The following GRWD1 variants were observed in gnomAD, a reference collection of about 807,000 sequenced individuals.
GRWD1 encodes the protein glutamate-rich WD repeat-containing protein 1.
In GRWD1, 29 loss-of-function variants were observed where a neutral mutation model predicts 45.3. The observed-to-expected ratio is 0.64, with a 90% CI of 0.48 to 0.87. GRWD1 has a LOEUF of 0.87. Among genes scored for constraint, GRWD1 ranks in the 40% least tolerant of loss-of-function variants. The pLI is 0.00. For synonymous variants in GRWD1, 262 were observed against 257.6 expected (o/e 1.02, Z -0.16); for missense variants, 592 against 618.8 (o/e 0.96, Z 0.46).
At chr19:48,447,886 T>C (rs1971429199) in intron 3 of GRWD1, among the ~76,000 whole-genome samples, 1 of 152,200 alleles carries the variant, frequency 6.6e-6, no homozygotes, top group African/African-American at 2.4e-5. Flanking sequence ...GTGCCTAGAA[T>C]AGCACCTGGT....
rs1298044986 is a variant in GRWD1 at position 48,452,630 on chromosome 19, G to A, written c.1024-78G>A. ...GGCTGAACCCTGAGGCTGGAGAAGG[G>A]TTGGGGCTTCTGCCTGGGTCCTCCC... On this transcript the variant is annotated intron_variant, in intron 6 of 6. Coordinates refer to ENST00000253237, the MANE Select transcript of GRWD1 (RefSeq NM_031485.4). The surrounding 1 kb of genome is among the most constrained non-coding windows in gnomAD (Gnocchi z 5.1). The A allele has an allele frequency of 1.1e-5, 14 of 1,259,876 alleles. No individual in the cohort carries two copies. Among genetic ancestry groups the A allele is most frequent in the South Asian group, 2.8e-5 (2 of 70,320 alleles). 78.0% of individuals were successfully genotyped at this position (1,259,876 alleles called of 1,614,324 possible).
rs1971411559 is a variant in GRWD1 at position 48,446,857 on chromosome 19, C to T, written c.468+14C>T. 21 of 1,609,756 alleles carry T rather than the reference C, an allele frequency of 1.3e-5. No homozygotes were observed. Among genetic ancestry groups the T allele is most frequent in the Non-Finnish European group, 1.8e-5 (21 of 1,178,460 alleles). ...AACCGAGTTCGGGTAAGTATGGTCC[C>T]AGGAGCCTGCTCTGCATACTCTGAA... is the stretch of plus-strand genomic sequence containing the variant. On this transcript the variant is annotated intron_variant, in intron 3 of 6. Transcript: ENST00000253237.
intron 3 of GRWD1, among the ~76,000 whole-genome samples, chr19:48,447,633 G>A (rs1171068015): frequency 6.6e-6 from 1 of 151,168 alleles, no homozygotes; most frequent in Non-Finnish European, 1.5e-5. Context: ...CGCACGCCTC[G>A]GGCACCCAAA....
rs755536843 is a variant in GRWD1, at chr19:48,446,422, C to T, written c.225C>T (p.His75=). ...PCLSFDIVRD[H]LGDNRTELPL... ...TCAGCTTTGACATAGTCCGGGATCACCTGGGAGACAACCGGACAGAGCTTC... is the reference window on the plus strand; with the variant it reads ...TCAGCTTTGACATAGTCCGGGATCATCTGGGAGACAACCGGACAGAGCTTC... The change falls in exon 2 of 7, where the codon CAC becomes CAT. Residue 75 remains histidine (H), a synonymous_variant. Coordinates refer to ENST00000253237, the MANE Select transcript of GRWD1 (RefSeq NM_031485.4). 2.7e-5 allele frequency: 43 copies of T among 1,614,076 alleles called. No homozygotes were observed. Among genetic ancestry groups the T allele is most frequent in the East Asian group, 2.2e-5 (1 of 44,896 alleles).
rs199574524 is a variant in GRWD1 at position 48,450,386 on chromosome 19, G to C, written c.542G>C (p.Arg181Pro). 8.7e-6 allele frequency: 14 copies of C among 1,613,662 alleles called. No individual in the cohort carries two copies. The highest frequency in any genetic ancestry group is 1.7e-5 in the Admixed American group (1 of 60,026). ...GGCCAGGTGGAGGTGTTTGCGCTGCGGCGGCTTCTGCAGGTGGTGGAGGAG... is the reference window on the plus strand; with the variant it reads ...GGCCAGGTGGAGGTGTTTGCGCTGCCGCGGCTTCTGCAGGTGGTGGAGGAG... ...EKGQVEVFAL[R>P]RLLQVVEEPQ... is the part of the protein sequence containing the mutation. Residue 181 changes from arginine to proline, a missense_variant, in exon 4 of 7, where the codon CGG (arginine) becomes CCG (proline). Physicochemically the swap from Arg to Pro is moderately radical, Grantham distance 103 (BLOSUM62 -2). Coordinates refer to ENST00000253237, the MANE Select transcript of GRWD1 (RefSeq NM_031485.4). This position sits in a 1 kb window ranked among gnomAD's most constrained non-coding sequence, Gnocchi z 5.1.
chr19:48,450,623 G>A lies in GRWD1; in HGVS notation c.683-43G>A, dbSNP rs1208808956. ...TAGACTCCAAGGAGGGGAGCGAGCT[G>A]CGGCCAGGTGGGGCGAGGTCATTTC... On this transcript the variant is annotated intron_variant, in intron 4 of 6. Coordinates refer to ENST00000253237, the MANE Select transcript of GRWD1 (RefSeq NM_031485.4). The surrounding 1 kb of genome is among the most constrained non-coding windows in gnomAD (Gnocchi z 5.1). 6.2e-7 allele frequency: 1 copy of A among 1,610,152 alleles called. No homozygotes were observed. The highest frequency in any genetic ancestry group is 1.3e-5 in the African/African-American group (1 of 74,872).
chr19:48,450,795 C>T lies in GRWD1; in HGVS notation c.812C>T (p.Pro271Leu), dbSNP rs747778309. ...TRSVEDLQWS[P>L]TENTVFASCS... ...TCTGTGGAGGACCTGCAGTGGTCAC[C>T]GACTGAGAACACGGTGAGGGAGGGT... is the stretch of plus-strand genomic sequence containing the variant. The change falls in exon 5 of 7, where the codon CCG (proline) becomes CTG (leucine). Residue 271 changes from proline (P) to leucine (L), a missense_variant. Physicochemically the swap from Pro to Leu is moderately conservative, Grantham distance 98. Transcript: ENST00000253237. The surrounding 1 kb of genome is among the most constrained non-coding windows in gnomAD (Gnocchi z 5.1). 2.2e-5 allele frequency: 36 copies of T among 1,613,554 alleles called. No homozygotes were observed. In the Admixed American group the frequency reaches 4.7e-4, roughly 21 times the overall value.
Position 48,457,004 on chromosome 19 carries a change from T to G in GRWD1, c.*3979T>G, listed in dbSNP as rs1971547201. ...CGCACCTGCCCTCTTTTTTTTTTTT[T>G]TTTCTTTAAGAGATAGGGTCTTGCT... On this transcript the variant is annotated 3_prime_UTR_variant, in exon 7 of 7. Coordinates refer to ENST00000253237, the MANE Select transcript of GRWD1 (RefSeq NM_031485.4). 6.6e-6 allele frequency: 1 copy of G among 151,144 alleles called. No individual in the cohort carries two copies. The highest frequency in any genetic ancestry group is 1.5e-5 in the Non-Finnish European group (1 of 67,860). The allele number at this position is 151,144 out of a possible 1,614,324, so 9.4% of individuals were successfully genotyped here.
Position 48,453,211 on chromosome 19 carries a change from G to T in GRWD1, c.*186G>T. The T allele has an allele frequency of 1.7e-6, 1 of 577,486 alleles. No individual in the cohort carries two copies. Among genetic ancestry groups the T allele is most frequent in the Non-Finnish European group, 3.0e-6 (1 of 331,222 alleles). 35.8% of individuals were successfully genotyped at this position (577,486 alleles called of 1,614,324 possible). ...TGATCCAGTGACCCCTCTCACCAAA[G>T]AACTCGGTTTAACCAGGGCTCTGTA... On this transcript the variant is annotated 3_prime_UTR_variant, in exon 7 of 7. Transcript: ENST00000253237.
At position 48,450,290 on chromosome 19, in the gene GRWD1, C is replaced by T; in HGVS notation, c.469-23C>T. The T allele has an allele frequency of 6.3e-7, 1 of 1,591,346 alleles. No homozygotes were observed. The highest frequency in any genetic ancestry group is 8.6e-7 in the Non-Finnish European group (1 of 1,167,142). On this transcript the variant is annotated intron_variant, in intron 3 of 6. Transcript: ENST00000253237. This position sits in a 1 kb window ranked among gnomAD's most constrained non-coding sequence, Gnocchi z 5.1. ...TCCTCTCCCCTCGCTTCACATCACC[C>T]TTCCCCCACCGCTCTTCTGCAGGTG... is the stretch of plus-strand genomic sequence containing the variant.
chr19:48,449,412 T>C (rs1028365323), intron 3 of GRWD1, among the ~76,000 whole-genome samples: 4 of 152,204 alleles, frequency 2.6e-5, no homozygotes, highest in African/African-American at 9.6e-5. Context: ...GCATTTTTAC[T>C]GTAGTCAGCA....
In GRWD1 at chr19:48,453,066, T is replaced by A; in HGVS notation, c.*41T>A. The A allele has an allele frequency of 6.6e-7, 1 of 1,523,422 alleles. No homozygotes were observed. 94.4% of individuals were successfully genotyped at this position (1,523,422 alleles called of 1,614,324 possible). ...CTGATCTTGCTTCCTGCTTGGAAAC[T>A]GAAGTCGAATTGGGCTCCCCTGGAA... is the stretch of plus-strand genomic sequence containing the variant. On this transcript the variant is annotated 3_prime_UTR_variant, in exon 7 of 7. Transcript: ENST00000253237.
Position 48,451,099 on chromosome 19 carries a change from G to A in GRWD1, c.891G>A (p.Lys297=). 5 of 1,614,138 alleles carry A rather than the reference G, an allele frequency of 3.1e-6. No homozygotes were observed. Among genetic ancestry groups the A allele is most frequent in the Non-Finnish European group, 4.2e-6 (5 of 1,180,002 alleles). ...RIWDIRAAPS[K]ACMLTTATAH... is the part of the protein sequence containing the mutation. ...GGGACATCCGGGCAGCCCCCAGCAAGGCCTGCATGCTCACCACAGCCACCG... is the reference window on the plus strand; with the variant it reads ...GGGACATCCGGGCAGCCCCCAGCAAAGCCTGCATGCTCACCACAGCCACCG... The change falls in exon 6 of 7, where the codon AAG becomes AAA. Residue 297 remains lysine, a synonymous_variant. Transcript: ENST00000253237.
Position 48,455,949 on chromosome 19 carries a change from C to T in GRWD1, c.*2924C>T, listed in dbSNP as rs1971534487. 1 of 152,218 alleles carries T rather than the reference C, an allele frequency of 6.6e-6. No individual in the cohort carries two copies. Among genetic ancestry groups the T allele is most frequent in the Admixed American group, 6.5e-5 (1 of 15,292 alleles). The allele number at this position is 152,218 out of a possible 1,614,324, so 9.4% of individuals were successfully genotyped here. A position where few individuals can be genotyped will look rare whatever the true frequency, so the allele number is the denominator to read the frequency against. On this transcript the variant is annotated 3_prime_UTR_variant, in exon 7 of 7. Coordinates refer to ENST00000253237, the MANE Select transcript of GRWD1 (RefSeq NM_031485.4). ...CGTACATACCAGGTGTGTTTGAAACCAGAGTGCTCTTGAGAAGACTGTGGT... is the reference window on the plus strand; with the variant it reads ...CGTACATACCAGGTGTGTTTGAAACTAGAGTGCTCTTGAGAAGACTGTGGT...
Position 48,453,335 on chromosome 19 carries a change from C to T in GRWD1, c.*310C>T, listed in dbSNP as rs916377807. ...CCATTTGACCTGTGTCCCCAGAACC[C>T]AGTTTTTTGTTTGTTTGTTTGAGAC... is the stretch of plus-strand genomic sequence containing the variant. On this transcript the variant is annotated 3_prime_UTR_variant, in exon 7 of 7. Transcript: ENST00000253237. 2 of 281,822 alleles carry T rather than the reference C, an allele frequency of 7.1e-6. No homozygotes were observed. The highest frequency in any genetic ancestry group is 4.4e-5 in the African/African-American group (2 of 45,750). 17.5% of individuals were successfully genotyped at this position (281,822 alleles called of 1,614,324 possible).
rs534111954 is a variant in GRWD1 at position 48,451,610 on chromosome 19, TAGG to T, written c.1023+382_1023+384del. ...GAATCGGGGCCCAGCCTGCTCGTTG[TAGG>T]AGAAGACTGAGGCACAGAAAGGACA... is the stretch of plus-strand genomic sequence containing the variant. On this transcript the variant is annotated intron_variant, in intron 6 of 6. Transcript: ENST00000253237. Among the ~76,000 whole-genome samples, 7 of 152,314 alleles carry T rather than the reference TAGG, an allele frequency of 4.6e-5. No homozygotes were observed. The South Asian group carries it at 1.4e-3, about 32-fold the overall frequency.
At chr19:48,451,380 G>A in intron 6 of GRWD1, 149 bp downstream of exon 6, 2 of 663,524 alleles carry the variant, frequency 3.0e-6, no homozygotes, top group Non-Finnish European at 4.9e-6. Context: ...GGGTACAGAG[G>A]AGGAAACTGA....
rs903985244 is a variant in GRWD1 at position 48,446,789 on chromosome 19, A to G, written c.414A>G (p.Lys138=). 1.3e-5 allele frequency: 21 copies of G among 1,613,846 alleles called. No individual in the cohort carries two copies. The highest frequency in any genetic ancestry group is 9.4e-5 in the African/African-American group (7 of 74,866). ...EEDEEDEEER[K]PQLELAMVPH... is the part of the protein sequence containing the mutation. ...ATGAAGAGGATGAAGAAGAGCGGAA[A>G]CCTCAGCTGGAGCTGGCCATGGTGC... is the stretch of plus-strand genomic sequence containing the variant. Residue 138 remains lysine (K), a synonymous_variant, in exon 3 of 7, where the codon AAA becomes AAG. Coordinates refer to ENST00000253237, the MANE Select transcript of GRWD1 (RefSeq NM_031485.4).
rs925525170 is a variant in GRWD1 at position 48,452,451 on chromosome 19, C to T, written c.1024-257C>T. Among the ~76,000 whole-genome samples the T allele has an allele frequency of 9.2e-5, 14 of 152,056 alleles. No individual in the cohort carries two copies. The highest frequency in any genetic ancestry group is 2.2e-4 in the African/African-American group (9 of 41,390). ...AGGCAGGCAGAGGGAAGAGCAGGGGCGGGGGTTTTGCTACCTGAGCTGGGA... is the reference window on the plus strand; with the variant it reads ...AGGCAGGCAGAGGGAAGAGCAGGGGTGGGGGTTTTGCTACCTGAGCTGGGA... On this transcript the variant is annotated intron_variant, in intron 6 of 6. Coordinates refer to ENST00000253237, the MANE Select transcript of GRWD1 (RefSeq NM_031485.4). The surrounding 1 kb of genome is among the most constrained non-coding windows in gnomAD (Gnocchi z 5.1).
Sources: gnomAD v4.1 joint callset for allele counts (sites outside exome capture counted in the v4.1 genomes callset) on GRCh38, gnomAD v4.1.1 for gene constraint, Gnocchi (gnomAD v3.1) non-coding constraint, MANE v1.5 for transcripts, NCBI Gene and HGNC (gene_info 2026-07-23, HGNC 2026-07-21) for gene names.